ZNF618: variants seen among roughly 807,000 people sequenced by gnomAD.
ZNF618 encodes neural precursor cell expressed, developmentally down-regulated 10.
A neutral mutation model predicts 103.0 loss-of-function variants in ZNF618; 34 were observed. The observed-to-expected ratio is 0.33, with a 90% CI of 0.25 to 0.44. The LOEUF (loss-of-function observed/expected upper bound fraction) is 0.44. Ranked by LOEUF, ZNF618 falls within the 20% of genes least tolerant of loss-of-function variation. The pLI is 1.00. For synonymous variants in ZNF618, 551 were observed against 542.2 expected (o/e 1.02, Z -0.23); for missense variants, 1,059 against 1,295.4 (o/e 0.82, Z 2.80).
rs7875885 is a variant in ZNF618, at chr9:114,029,765, G to T, written c.1084+793G>T. Among the ~76,000 whole-genome samples the T allele has an allele frequency of 3.1e-3, 475 of 152,332 alleles. 1 individual carries two copies. Among genetic ancestry groups the T allele is most frequent in the African/African-American group, 6.7e-3 (277 of 41,574 alleles). ...CCGTGAAACTCCTCCATGAGATACA[G>T]GCCCAGCAGGAAATCAGTGGATGCC... On this transcript the variant is annotated intron_variant, in intron 11 of 14. Transcript: ENST00000374126.
At chr9:113,995,266 G>A (rs1840461198) in intron 3 of ZNF618, among the ~76,000 whole-genome samples, 1 of 150,616 alleles carries the variant, frequency 6.6e-6, no homozygotes, top group African/African-American at 2.4e-5. Context: ...AATTTCCTGG[G>A]ATCATAAAGC....
At chr9:113,920,311 C>T (rs948085723) in intron 1 of ZNF618, among the ~76,000 whole-genome samples, 1 of 151,934 alleles carries the variant, frequency 6.6e-6, no homozygotes, top group Admixed American at 6.6e-5. Flanking sequence ...GAGGAGCCTG[C>T]GGGGTGCAGT....
chr9:114,017,592 G>T (rs78940781), intron 10 of ZNF618, among the ~76,000 whole-genome samples: 3,249 of 152,308 alleles, frequency 0.021, 121 homozygotes, highest in African/African-American at 0.075. Context: ...CAGGGGTGGG[G>T]CTTGTGCAGT....
intron 4 of ZNF618, among the ~76,000 whole-genome samples, chr9:113,999,895 A>G (rs535411449): frequency 6.6e-6 from 1 of 152,340 alleles, no homozygotes; most frequent in African/African-American, 2.4e-5. Context: ...GAATTGGCAG[A>G]AACTGCTGAA....
chr9:113,921,655 A>C (rs1832662423), intron 1 of ZNF618, among the ~76,000 whole-genome samples: 1 of 152,232 alleles, frequency 6.6e-6, no homozygotes, highest in Non-Finnish European at 1.5e-5. Context: ...GAAACAGAAC[A>C]TGATCTGGAA....
At chr9:113,922,067 T>C (rs1832701769) in intron 1 of ZNF618, among the ~76,000 whole-genome samples, 6 of 152,252 alleles carry the variant, frequency 3.9e-5, no homozygotes, top group Non-Finnish European at 1.5e-5. Context: ...ATGTATGTAC[T>C]GAAAACACAT....
intron 1 of ZNF618, among the ~76,000 whole-genome samples, chr9:113,877,512 C>T (rs1375183539): frequency 6.6e-6 from 1 of 151,502 alleles, no homozygotes; most frequent in Non-Finnish European, 1.5e-5. Context: ...TTTGGACACA[C>T]CCAAAAATTG....
At chr9:114,032,899 G>A (rs542026988) in intron 12 of ZNF618, among the ~76,000 whole-genome samples, 171 bp downstream of exon 12, 12 of 152,228 alleles carry the variant, frequency 7.9e-5, no homozygotes, top group African/African-American at 1.2e-4. Flanking sequence ...GGCAGGAGGG[G>A]CCTTTTCTTC....
intron 1 of ZNF618, among the ~76,000 whole-genome samples, chr9:113,906,589 G>A (rs764075598): frequency 3.9e-4 from 59 of 152,316 alleles, no homozygotes; most frequent in South Asian, 8.3e-4. Context: ...TCATTGTGAT[G>A]TAATTTAATT....
intron 1 of ZNF618, among the ~76,000 whole-genome samples, chr9:113,890,819 T>A (rs1829555091): frequency 6.6e-6 from 1 of 152,236 alleles, no homozygotes; most frequent in African/African-American, 2.4e-5. Context: ...ACTAATGGGG[T>A]TGAATATCTG....
At chr9:113,934,874 C>T (rs1833900596) in intron 1 of ZNF618, among the ~76,000 whole-genome samples, 1 of 152,178 alleles carries the variant, frequency 6.6e-6, no homozygotes, top group Admixed American at 6.5e-5. Flanking sequence ...CCAGAGTATC[C>T]TATTTGTACA....
chr9:113,881,436 A>C (rs1238102631), intron 1 of ZNF618, among the ~76,000 whole-genome samples: 1 of 152,204 alleles, frequency 6.6e-6, no homozygotes, highest in African/African-American at 2.4e-5. Context: ...GGTGCCATTG[A>C]TTTTAACATA....
chr9:113,936,771 C>G (rs1187120364), intron 1 of ZNF618, among the ~76,000 whole-genome samples: 3 of 152,002 alleles, frequency 2.0e-5, no homozygotes, highest in African/African-American at 7.3e-5. Flanking sequence ...TTTTAAATAC[C>G]TCTTCATTCC....
intron 1 of ZNF618, among the ~76,000 whole-genome samples, chr9:113,935,199 A>AT (rs1833927750): frequency 6.6e-6 from 1 of 152,168 alleles, no homozygotes; most frequent in Non-Finnish European, 1.5e-5. Flanking sequence ...GAGGCTCACC[A>AT]TGCCATTTAG....
In ZNF618 at chr9:113,957,130, G is replaced by A. The variant is rs191910694; in HGVS notation, c.34-11987G>A. Among the ~76,000 whole-genome samples, 5 of 152,262 alleles carry A rather than the reference G, an allele frequency of 3.3e-5. No individual in the cohort carries two copies. In the East Asian group the frequency reaches 5.8e-4, roughly 18 times the overall value. On this transcript the variant is annotated intron_variant, in intron 1 of 14. Transcript: ENST00000374126. ...ACTACTGTGCCAAATAAATCCCGCC[G>A]GCCGGAGAGATCAGAATGTGTTTGG...
chr9:114,006,912 G>A (rs1261221402), intron 6 of ZNF618, among the ~76,000 whole-genome samples: 1 of 152,160 alleles, frequency 6.6e-6, no homozygotes, highest in Non-Finnish European at 1.5e-5. Context: ...TCTCTCATGG[G>A]GCAGCTCACA....
At chr9:113,959,088 G>C (rs1836592490) in intron 1 of ZNF618, among the ~76,000 whole-genome samples, 1 of 152,170 alleles carries the variant, frequency 6.6e-6, no homozygotes, top group Non-Finnish European at 1.5e-5. Context: ...TCGGGAGTTC[G>C]AGACCAGCCT....
intron 6 of ZNF618, among the ~76,000 whole-genome samples, chr9:114,004,191 C>T (rs1347398777): frequency 7.9e-5 from 12 of 152,214 alleles, no homozygotes; most frequent in Non-Finnish European, 1.3e-4. Context: ...CTTTCTCATC[C>T]ACTCCGTTTG....
intron 1 of ZNF618, among the ~76,000 whole-genome samples, chr9:113,947,710 G>A (rs1835171639): frequency 1.3e-5 from 2 of 152,360 alleles, no homozygotes; most frequent in Admixed American, 6.5e-5. Context: ...CAGCCCTGGT[G>A]TGGAGGCTTC....
Sources: allele counts gnomAD v4.1 joint callset (sites outside exome capture counted in the v4.1 genomes callset), GRCh38; gene constraint gnomAD v4.1.1; transcripts MANE v1.5; gene names NCBI Gene and HGNC (gene_info 2026-07-23, HGNC 2026-07-21).